The following PRXL2A variants were observed in gnomAD, a reference collection of about 807,000 sequenced individuals.
PRXL2A encodes the protein peroxiredoxin like 2A.
A neutral mutation model predicts 25.6 loss-of-function variants in PRXL2A; 26 were observed. The ratio of observed to expected loss-of-function variants is 1.02; its 90% CI spans 0.74 to 1.41. The LOEUF (loss-of-function observed/expected upper bound fraction) is 1.41, where lower values mean the gene tolerates loss of function less well. Among genes scored for constraint, PRXL2A ranks in the 40% most tolerant of loss-of-function variants. The probability of loss-of-function intolerance (pLI) is 0.00; values close to 1 mark genes in which losing one functional copy is unlikely to be tolerated. For synonymous variants in PRXL2A, 98 were observed against 102.9 expected (o/e 0.95, Z 0.29); for missense variants, 246 against 273.9 (o/e 0.90, Z 0.72).
chr10:80,422,245 AT>A (rs1239224765), intron 2 of PRXL2A, among the ~76,000 whole-genome samples, 171 bp from the exon 3 acceptor site: 1 of 152,124 alleles, frequency 6.6e-6, no homozygotes, highest in Non-Finnish European at 1.5e-5. Flanking sequence ...GAAGGTGTGT[AT>A]TCTGTCTGTC....
intron 1 of PRXL2A, among the ~76,000 whole-genome samples, chr10:80,410,878 T>C (rs1161296002): frequency 6.6e-6 from 1 of 152,110 alleles, no homozygotes; most frequent in Non-Finnish European, 1.5e-5. Flanking sequence ...GCCCTACAGC[T>C]TGAGGAAACA....
intron 5 of PRXL2A, among the ~76,000 whole-genome samples, chr10:80,431,241 A>T (rs753994416): frequency 6.6e-6 from 1 of 151,624 alleles, no homozygotes; most frequent in Non-Finnish European, 1.5e-5. Context: ...CTGAGCAAGT[A>T]AATATAATTT....
At position 80,420,588 on chromosome 10, in the gene PRXL2A, C is replaced by G. The variant is rs145814247; in HGVS notation, c.121C>G (p.Pro41Ala). 5.2e-5 allele frequency: 84 copies of G among 1,613,870 alleles called. No individual in the cohort carries two copies. In the African/African-American group the frequency reaches 9.9e-4, roughly 19 times the overall value. Residue 41 changes from proline (P) to alanine (A), a missense_variant, in exon 2 of 6, where the codon CCC (proline) becomes GCC (alanine). Pro to Ala is a conservative substitution (Grantham distance 27, BLOSUM62 -1). Transcript: ENST00000606162. ...LANTDVFLSK[P>A]QKAALEYLED... ...CAACACAGACGTGTTTCTGTCCAAG[C>G]CCCAGAAAGCGGCCCTGGAGTACCT...
intron 4 of PRXL2A, among the ~76,000 whole-genome samples, chr10:80,426,741 G>A (rs763333100): frequency 6.6e-6 from 1 of 152,204 alleles, no homozygotes; most frequent in Non-Finnish European, 1.5e-5. Context: ...TGGAAGACTA[G>A]TGAGAAGGTA....
chr10:80,415,506 C>T (rs1027046060), intron 1 of PRXL2A, among the ~76,000 whole-genome samples: 1 of 152,226 alleles, frequency 6.6e-6, no homozygotes, highest in Admixed American at 6.5e-5. Context: ...TGTCCTACAC[C>T]GGCTCCAAAG....
chr10:80,422,524 G>T lies in PRXL2A; in HGVS notation c.270+16G>T. On this transcript the variant is annotated intron_variant, in intron 3 of 5. Coordinates refer to ENST00000606162, the MANE Select transcript of PRXL2A (RefSeq NM_032333.5). The stretch of plus-strand genomic sequence containing the variant: ...CTGTCGAGAGGTGAGTGCAGATGAG[G>T]ATCTATTCAGAGAAAGGGATCCTGG... 6.2e-7 allele frequency: 1 copy of T among 1,605,440 alleles called. No individual in the cohort carries two copies. The highest frequency in any genetic ancestry group is 1.1e-5 in the South Asian group (1 of 90,742).
At chr10:80,413,037 G>A (rs943581279) in intron 1 of PRXL2A, among the ~76,000 whole-genome samples, 1 of 152,130 alleles carries the variant, frequency 6.6e-6, no homozygotes, top group African/African-American at 2.4e-5. Flanking sequence ...AAGAGGATGG[G>A]TAGCAGATAC....
chr10:80,418,063 C>A (rs1366585199), intron 1 of PRXL2A, among the ~76,000 whole-genome samples: 9 of 151,064 alleles, frequency 6.0e-5, no homozygotes, highest in Non-Finnish European at 1.5e-5. Flanking sequence ...TCATGGGGTA[C>A]ATATGCATAT....
intron 1 of PRXL2A, among the ~76,000 whole-genome samples, chr10:80,416,706 A>G (rs1295204104): frequency 1.3e-5 from 2 of 152,210 alleles, no homozygotes; most frequent in African/African-American, 4.8e-5. Flanking sequence ...CTGGTGGCTG[A>G]TGGCCAACCA....
intron 5 of PRXL2A, among the ~76,000 whole-genome samples, chr10:80,428,267 T>C (rs1335887695): frequency 6.6e-6 from 1 of 152,158 alleles, no homozygotes; most frequent in Non-Finnish European, 1.5e-5. Context: ...GGCAGTTGTT[T>C]GTGTCAGAGT....
intron 2 of PRXL2A, among the ~76,000 whole-genome samples, chr10:80,421,386 A>G (rs1844857351): frequency 6.6e-6 from 1 of 152,196 alleles, no homozygotes; most frequent in Non-Finnish European, 1.5e-5. Flanking sequence ...CAGTCATGCC[A>G]GTGGTGTGGC....
At chr10:80,431,801 T>C (rs1245104242) in intron 5 of PRXL2A, among the ~76,000 whole-genome samples, 185 bp from the exon 6 acceptor site, 1 of 152,178 alleles carries the variant, frequency 6.6e-6, no homozygotes, top group African/African-American at 2.4e-5. Flanking sequence ...GCCAGATGGA[T>C]GTGGCCTTCT....
At chr10:80,418,977 CTTTCT>C (rs904919545) in intron 1 of PRXL2A, among the ~76,000 whole-genome samples, 1 of 151,948 alleles carries the variant, frequency 6.6e-6, no homozygotes, top group Non-Finnish European at 1.5e-5. Flanking sequence ...AGGACCTCCT[CTTTCT>C]TTTCTTTTCT....
intron 4 of PRXL2A, 140 bp from the exon 5 acceptor site, chr10:80,427,192 T>G: frequency 1.6e-6 from 1 of 611,316 alleles, no homozygotes. Context: ...AGTGTGTGTG[T>G]GTTGGGTGGG....
chr10:80,432,660 A>G lies in PRXL2A; in HGVS notation c.*561A>G, dbSNP rs1845307847. On this transcript the variant is annotated 3_prime_UTR_variant, in exon 6 of 6. Coordinates refer to ENST00000606162, the MANE Select transcript of PRXL2A (RefSeq NM_032333.5). Reference sequence around the variant, plus strand: ...TAAAAAAAAAAAAAAAAAAAAATTGATTGCTGTGCCTCATTACAAATGCAT... The same window carrying G: ...TAAAAAAAAAAAAAAAAAAAAATTGGTTGCTGTGCCTCATTACAAATGCAT... The G allele has an allele frequency of 7.0e-6, 1 of 142,828 alleles. No homozygotes were observed. Among genetic ancestry groups the G allele is most frequent in the Non-Finnish European group, 1.5e-5 (1 of 65,100 alleles). The allele number at this position is 142,828 out of a possible 1,614,324, so 8.8% of individuals were successfully genotyped here.
At chr10:80,420,274 T>C in intron 1 of PRXL2A, 192 bp from the exon 2 acceptor site, 7 of 1,338,358 alleles carry the variant, frequency 5.2e-6, no homozygotes, top group Non-Finnish European at 6.7e-6. Flanking sequence ...CCTCCATGTG[T>C]GTGCTGCATC....
intron 1 of PRXL2A, among the ~76,000 whole-genome samples, chr10:80,410,077 A>G (rs925212255): frequency 6.6e-6 from 1 of 152,244 alleles, no homozygotes; most frequent in Non-Finnish European, 1.5e-5. Flanking sequence ...AATGGTGCTC[A>G]GAAAGTTTGG....
At chr10:80,421,718 G>A (rs75687068) in intron 2 of PRXL2A, among the ~76,000 whole-genome samples, 5 of 150,982 alleles carry the variant, frequency 3.3e-5, no homozygotes, top group Non-Finnish European at 7.4e-5. Context: ...AAATAATTAA[G>A]GGCTCATATT....
chr10:80,432,309 G>T lies in PRXL2A; in HGVS notation c.*210G>T. ...TGACAAAAATCTGAAAAACTAATGAGGATTATTAAGCTAAAACCTGGGAAA... is the reference window on the plus strand; with the variant it reads ...TGACAAAAATCTGAAAAACTAATGATGATTATTAAGCTAAAACCTGGGAAA... On this transcript the variant is annotated 3_prime_UTR_variant, in exon 6 of 6. Coordinates refer to ENST00000606162, the MANE Select transcript of PRXL2A (RefSeq NM_032333.5). 2.0e-6 allele frequency: 1 copy of T among 491,476 alleles called. No homozygotes were observed. The highest frequency in any genetic ancestry group is 3.5e-6 in the Non-Finnish European group (1 of 284,014). 30.4% of individuals were successfully genotyped at this position (491,476 alleles called of 1,614,324 possible).
Sources: allele counts gnomAD v4.1 joint callset (sites outside exome capture counted in the v4.1 genomes callset), GRCh38; gene constraint gnomAD v4.1.1; transcripts MANE v1.5; gene names NCBI Gene and HGNC (gene_info 2026-07-23, HGNC 2026-07-21).